The following NAV3 variants were observed in gnomAD, a reference collection of about 807,000 sequenced individuals.
NAV3 encodes the protein pore membrane and/or filament interacting like protein 1.
NAV3 carries 87 observed loss-of-function variants against 244.7 expected under a neutral mutation model. That is an observed-to-expected ratio of 0.36 (90% CI 0.30 to 0.42). The LOEUF (loss-of-function observed/expected upper bound fraction) is 0.42. NAV3 is among the 20% of genes least tolerant of loss of function. NAV3 has a pLI of 1.00. For missense variants in NAV3, 2,663 were observed against 2,893.3 expected, an observed-to-expected ratio of 0.92 and a Z score of 1.83; for synonymous variants, 1,126 against 1,042.2, an observed-to-expected ratio of 1.08 and a Z score of -1.55.
At chr12:77,854,969 T>C (rs975001493) in intron 1 of NAV3, among the ~76,000 whole-genome samples, 1 of 151,836 alleles carries the variant, frequency 6.6e-6, no homozygotes, top group Non-Finnish European at 1.5e-5. Flanking sequence ...CTACTAAAAA[T>C]ACAAAAAATT....
At chr12:77,822,877 A>G (rs7958008) in intron 2 of NAV3, among the ~76,000 whole-genome samples, 64,445 of 151,866 alleles carry the variant, frequency 0.42, 13,882 homozygotes, top group East Asian at 0.52. Flanking sequence ...AATGCACAAT[A>G]CAATTTCAGA....
intron 2 of NAV3, among the ~76,000 whole-genome samples, chr12:77,789,145 T>G (rs1489792449): frequency 1.3e-5 from 2 of 152,236 alleles, no homozygotes; most frequent in Non-Finnish European, 2.9e-5. Context: ...TTATTCTAAC[T>G]AAACAATTTC....
intron 1 of NAV3, among the ~76,000 whole-genome samples, chr12:77,832,211 C>G (rs1873830120): frequency 6.6e-6 from 1 of 152,166 alleles, no homozygotes; most frequent in Non-Finnish European, 1.5e-5. Flanking sequence ...AAATGACATA[C>G]TATTTTCCTT....
chr12:77,666,970 G>A (rs1321903203), intron 2 of NAV3, among the ~76,000 whole-genome samples: 1 of 152,120 alleles, frequency 6.6e-6, no homozygotes, highest in African/African-American at 2.4e-5. Context: ...CAAATTTTAT[G>A]AACTAAAATG....
intron 1 of NAV3, among the ~76,000 whole-genome samples, chr12:77,888,442 A>G (rs1883551138): frequency 6.6e-6 from 1 of 152,126 alleles, no homozygotes; most frequent in Admixed American, 6.6e-5. Context: ...ATGTCACTGC[A>G]CTCCAGCCTG....
chr12:77,701,671 T>C (rs1287372182), intron 2 of NAV3, among the ~76,000 whole-genome samples: 1 of 152,032 alleles, frequency 6.6e-6, no homozygotes, highest in Admixed American at 6.6e-5. Flanking sequence ...AATTTTGATA[T>C]GTTGTGTTTT....
chr12:78,120,854 TGGAAA>T (rs1955637010), intron 15 of NAV3, among the ~76,000 whole-genome samples: 1 of 152,218 alleles, frequency 6.6e-6, no homozygotes, highest in Admixed American at 6.5e-5. Context: ...TTTGATATCT[TGGAAA>T]GGAAAGATTT....
chr12:78,037,244 C>T (rs1461935694), intron 9 of NAV3: 3 of 702,950 alleles, frequency 4.3e-6, no homozygotes, highest in Non-Finnish European at 7.8e-6. Context: ...AAAACGTGTC[C>T]TCCAAGCCAA....
intron 9 of NAV3, 35 bp downstream of exon 9, chr12:78,021,897 G>T (rs1877219569): frequency 3.7e-6 from 5 of 1,349,982 alleles, no homozygotes; most frequent in Non-Finnish European, 5.2e-6. Flanking sequence ...GTCAAACCTA[G>T]GAATTTCCGT....
At chr12:77,810,928 A>G (rs1288388792) in intron 2 of NAV3, among the ~76,000 whole-genome samples, 3 of 152,216 alleles carry the variant, frequency 2.0e-5, no homozygotes, top group Admixed American at 2.0e-4. Context: ...TTGTAGGGTG[A>G]CGAAAGCAAA....
At chr12:77,806,126 T>A (rs927493751) in intron 2 of NAV3, among the ~76,000 whole-genome samples, 3 of 152,164 alleles carry the variant, frequency 2.0e-5, no homozygotes, top group African/African-American at 7.2e-5. Context: ...AGCTCCTGGG[T>A]TCATTGATTT....
intron 5 of NAV3, among the ~76,000 whole-genome samples, chr12:77,973,098 G>C (rs1389867374): frequency 6.6e-6 from 1 of 152,018 alleles, no homozygotes; most frequent in South Asian, 2.1e-4. Context: ...TTTGCTAAAA[G>C]CTTTTTTAAA....
At chr12:78,115,376 C>G (rs1955323683) in intron 12 of NAV3, among the ~76,000 whole-genome samples, 1 of 152,160 alleles carries the variant, frequency 6.6e-6, no homozygotes, top group Admixed American at 6.5e-5. Context: ...CTATATATCA[C>G]AATAAACTGA....
intron 2 of NAV3, among the ~76,000 whole-genome samples, chr12:77,818,505 G>T (rs10777468): frequency 0.98 from 148,414 of 152,158 alleles, 72,504 homozygotes; most frequent in East Asian, 1. Context: ...TGTTTTGTTT[G>T]GTTTGGTTTG....
chr12:77,583,854 T>C (rs1178096767), intron 2 of NAV3, among the ~76,000 whole-genome samples: 1 of 152,186 alleles, frequency 6.6e-6, no homozygotes, highest in Non-Finnish European at 1.5e-5. Context: ...TCTCCTGCCA[T>C]TCTTTCTTCA....
In NAV3 at chr12:78,177,164, C is replaced by T. The variant is rs769195241; in HGVS notation, c.5148C>T (p.Ala1716=). Residue 1716 remains alanine (A), a synonymous_variant, in exon 27 of 40, where the codon GCC becomes GCT. Transcript: ENST00000397909. The stretch of plus-strand genomic sequence containing the variant: ...AGCTGAGAAGTTCTTTCAAACAAGC[C>T]TTTGGGAAGAAAAAGTCCACCAAGC... The part of the protein sequence containing the change: ...GSELRSSFKQ[A]FGKKKSTKPP... 1.2e-6 allele frequency: 2 copies of T among 1,613,232 alleles called. No individual in the cohort carries two copies. Among genetic ancestry groups the T allele is most frequent in the African/African-American group, 1.3e-5 (1 of 74,838 alleles).
chr12:77,899,659 A>C (rs1885027173), intron 1 of NAV3, among the ~76,000 whole-genome samples: 1 of 152,210 alleles, frequency 6.6e-6, no homozygotes, highest in Non-Finnish European at 1.5e-5. Flanking sequence ...ATTTGGTTTA[A>C]TGTAGTGTTC....
intron 2 of NAV3, among the ~76,000 whole-genome samples, chr12:77,744,495 G>C (rs902580101): frequency 6.6e-6 from 1 of 151,934 alleles, no homozygotes; most frequent in African/African-American, 2.4e-5. Flanking sequence ...GGTAAAGGAA[G>C]ACATTACAGG....
intron 36 of NAV3, chr12:78,199,134 A>G (rs1277686554): frequency 3.1e-6 from 2 of 648,782 alleles, no homozygotes; most frequent in Non-Finnish European, 5.7e-6. Context: ...CTCAAAAAGT[A>G]GAGTTAGCTA....
Sources: allele counts gnomAD v4.1 joint callset (sites outside exome capture counted in the v4.1 genomes callset), GRCh38; gene constraint gnomAD v4.1.1; transcripts MANE v1.5; gene names NCBI Gene and HGNC (gene_info 2026-07-23, HGNC 2026-07-21).